Variants in ZFYVE28 observed in about 807,000 individuals in gnomAD.
The protein encoded by ZFYVE28 is lateral signaling target protein 2 homolog.
Under a neutral mutation model 82.1 loss-of-function variants are expected in ZFYVE28, and 40 were observed. The observed-to-expected ratio is 0.49, with a 90% CI of 0.38 to 0.63. The LOEUF is 0.63. Ranked by LOEUF, ZFYVE28 falls within the 30% of genes least tolerant of loss-of-function variation. The pLI is 0.00. For synonymous variants in ZFYVE28, 612 were observed against 546.1 expected (o/e 1.12, Z -1.68); for missense variants, 1,321 against 1,242.1 (o/e 1.06, Z -0.96).
intron 6 of ZFYVE28, among the ~76,000 whole-genome samples, chr4:2,322,721 A>T (rs1578084468): frequency 6.6e-6 from 1 of 152,200 alleles, no homozygotes; most frequent in Non-Finnish European, 1.5e-5. Context: ...ATCACCCCAG[A>T]AAACACCCTT....
Position 2,411,166 on chromosome 4 carries a change from A to G in ZFYVE28, c.39+7119T>C, listed in dbSNP as rs1732481269. Among the ~76,000 whole-genome samples the G allele has an allele frequency of 2.0e-5, 3 of 151,774 alleles. No individual in the cohort carries two copies. The South Asian group carries it at 6.2e-4, about 31-fold the overall frequency. ...AGCTGGAGCAAAACCCACCCGTGGC[A>G]GAGACTTAGAGAGCCAGCCATGCAG... On this transcript the variant is annotated intron_variant, in intron 1 of 12. Transcript: ENST00000290974.
At position 2,305,211 on chromosome 4, in the gene ZFYVE28, C is replaced by T; in HGVS notation, c.1129G>A (p.Gly377Ser). The T allele has an allele frequency of 6.2e-7, 1 of 1,606,860 alleles. No individual in the cohort carries two copies. ...GGAGAGGCCTCCCCGCCTGGGCTGC[C>T]CTCCGCTCCTGGCCTGTGAGCTGGG... is the stretch of plus-strand genomic sequence containing the variant. ...QSPAHRPGAE[G>S]SPGGEASPGR... is the part of the protein sequence containing the mutation. Residue 377 changes from glycine (G) to serine (S), a missense_variant, in exon 8 of 13, where the codon GGC becomes AGC. Gly to Ser is a moderately conservative substitution (Grantham distance 56). Coordinates refer to ENST00000290974, the MANE Select transcript of ZFYVE28 (RefSeq NM_020972.3).
chr4:2,273,021 G>A (rs1244992315), intron 10 of ZFYVE28, 152 bp downstream of exon 10: 9 of 667,860 alleles, frequency 1.3e-5, no homozygotes, highest in Admixed American at 5.1e-5. Context: ...CATTTGGAGT[G>A]CAGAGGTCAG....
At chr4:2,325,052 G>C (rs1296360019) in intron 6 of ZFYVE28, 1 of 153,314 alleles carries the variant, frequency 6.5e-6, no homozygotes, top group African/African-American at 2.4e-5. Flanking sequence ...AACTATACAT[G>C]TGCCAATTAC....
chr4:2,393,541 C>A (rs1230322686), intron 1 of ZFYVE28, among the ~76,000 whole-genome samples: 1 of 152,234 alleles, frequency 6.6e-6, no homozygotes, highest in Admixed American at 6.5e-5. Flanking sequence ...CTCCCACAGT[C>A]CCTGAGCCTG....
chr4:2,325,507 T>C (rs1719723866), intron 6 of ZFYVE28, among the ~76,000 whole-genome samples: 1 of 152,154 alleles, frequency 6.6e-6, no homozygotes, highest in Non-Finnish European at 1.5e-5. Context: ...CAAAAATACA[T>C]TCATGGCTTC....
chr4:2,369,102 C>T (rs3128814), intron 1 of ZFYVE28, among the ~76,000 whole-genome samples: 101,491 of 152,160 alleles, frequency 0.67, 34,196 homozygotes, highest in East Asian at 0.8. Flanking sequence ...TGGCTGACCA[C>T]CTGCACATCT....
At position 2,375,358 on chromosome 4, in the gene ZFYVE28, C is replaced by T. The variant is rs917370483; in HGVS notation, c.40-21285G>A. On this transcript the variant is annotated intron_variant, in intron 1 of 12. Transcript: ENST00000290974. Reference sequence around the variant, plus strand: ...CCCAAATCACCCAGGGTCAATCAGCCGGGCCAGCATCGAAGGAGGCCCCGG... The same window carrying T: ...CCCAAATCACCCAGGGTCAATCAGCTGGGCCAGCATCGAAGGAGGCCCCGG... 5.3e-5 allele frequency among the ~76,000 whole-genome samples: 8 copies of T among 152,202 alleles called. No homozygotes were observed. In the South Asian group the frequency reaches 1.0e-3, roughly 20 times the overall value.
intron 7 of ZFYVE28, among the ~76,000 whole-genome samples, chr4:2,310,438 G>C (rs188489388): frequency 8.6e-4 from 131 of 152,226 alleles, no homozygotes; most frequent in Middle Eastern, 3.4e-3. Context: ...TGAGAGATTG[G>C]TGTAGTTTTT....
chr4:2,320,245 G>A lies in ZFYVE28; in HGVS notation c.728C>T (p.Pro243Leu). The change falls in exon 7 of 13, where the codon CCT (proline) becomes CTT (leucine). Residue 243 changes from proline (P) to leucine (L), a missense_variant. By Grantham distance (98) the Pro-to-Leu change is moderately conservative. This residue lies in a region of ZFYVE28 where 343 missense variants were observed against 408.4 expected (regional missense o/e 0.84). Transcript: ENST00000290974. The surrounding 1 kb of genome is among the most constrained non-coding windows in gnomAD (Gnocchi z 5.1). ...TTCCACCTTGCGGTCCAAGTTCAGA[G>A]GTCCGTCCGCATAGACCACGAGGCC... ...VCGLVVYADG[P>L]LNLDRKVEDM... is the part of the protein sequence containing the mutation. The A allele has an allele frequency of 6.2e-7, 1 of 1,613,984 alleles. No homozygotes were observed. Among genetic ancestry groups the A allele is most frequent in the Non-Finnish European group, 8.5e-7 (1 of 1,179,982 alleles).
intron 1 of ZFYVE28, among the ~76,000 whole-genome samples, chr4:2,358,994 A>G (rs112981395): frequency 0.036 from 3,970 of 111,506 alleles, 220 homozygotes; most frequent in African/African-American, 0.13. Context: ...TTTTTTTTTG[A>G]GACAGAGTCT....
At position 2,339,330 on chromosome 4, in the gene ZFYVE28, G is replaced by T; in HGVS notation, c.521+123C>A. On this transcript the variant is annotated intron_variant, in intron 4 of 12. Transcript: ENST00000290974. The surrounding 1 kb of genome is among the most constrained non-coding windows in gnomAD (Gnocchi z 5.0). ...CTTAACCCCACCCACAGGCGGCCCT[G>T]AACCTGCCTGGCTCCTCCCTCTGTG... is the stretch of plus-strand genomic sequence containing the variant. The T allele has an allele frequency of 8.5e-7, 1 of 1,178,618 alleles. No individual in the cohort carries two copies. Among genetic ancestry groups the T allele is most frequent in the Non-Finnish European group, 1.2e-6 (1 of 833,406 alleles). The allele number at this position is 1,178,618 out of a possible 1,614,324, so 73.0% of individuals were successfully genotyped here.
chr4:2,302,357 C>G (rs1242752061), intron 8 of ZFYVE28, among the ~76,000 whole-genome samples: 1 of 152,206 alleles, frequency 6.6e-6, no homozygotes, highest in African/African-American at 2.4e-5. Context: ...ATGGCAAGTT[C>G]TACACACATA....
chr4:2,332,442 G>A lies in ZFYVE28; in HGVS notation c.701+3263C>T, dbSNP rs572397087. Among the ~76,000 whole-genome samples, 389 of 152,252 alleles carry A rather than the reference G, an allele frequency of 2.6e-3. 2 individuals carry two copies. The highest frequency in any genetic ancestry group is 7.7e-3 in the African/African-American group (321 of 41,550). On this transcript the variant is annotated intron_variant, in intron 6 of 12. Coordinates refer to ENST00000290974, the MANE Select transcript of ZFYVE28 (RefSeq NM_020972.3). The surrounding 1 kb of genome is among the most constrained non-coding windows in gnomAD (Gnocchi z 4.7). Reference sequence around the variant, plus strand: ...CCACCTCTGGGCCGGCTGCCCTGGGGAGCCTCTCCCTCACGCCTTCAGCTC... The same window carrying A: ...CCACCTCTGGGCCGGCTGCCCTGGGAAGCCTCTCCCTCACGCCTTCAGCTC...
rs1351109048 is a variant in ZFYVE28, at chr4:2,377,893, G to A, written c.40-23820C>T. On this transcript the variant is annotated intron_variant, in intron 1 of 12. Transcript: ENST00000290974. ...GACTTCCACAAGCCTAGATGACCCC[G>A]CCTCCGACAGACCTAGGCTACATGG... Among the ~76,000 whole-genome samples the A allele has an allele frequency of 3.9e-5, 6 of 152,158 alleles. No individual in the cohort carries two copies. The East Asian group carries it at 7.7e-4, about 19-fold the overall frequency.
intron 2 of ZFYVE28, chr4:2,343,633 C>T (rs546882086): frequency 6.6e-6 from 1 of 152,200 alleles, no homozygotes; most frequent in South Asian, 2.1e-4. Context: ...CACAGTAAGC[C>T]CCAGCTGTGA....
intron 1 of ZFYVE28, among the ~76,000 whole-genome samples, chr4:2,399,094 CAGGGCACAAGCTGGGGCAAGATGG>C (rs1560338949): frequency 2.2e-5 from 1 of 45,148 alleles, no homozygotes; most frequent in Non-Finnish European, 4.4e-5. Flanking sequence ...AGGTGAGATC[CAGGGCACAAGCTGGGGCAAGATGG>C]AGGGCACAAG....
chr4:2,389,356 T>A (rs1371353778), intron 1 of ZFYVE28, among the ~76,000 whole-genome samples: 2 of 152,158 alleles, frequency 1.3e-5, no homozygotes, highest in African/African-American at 4.8e-5. Context: ...TGCCTGAGGC[T>A]ACCCCCATGC....
intron 1 of ZFYVE28, among the ~76,000 whole-genome samples, chr4:2,377,223 G>A (rs1053765101): frequency 4.6e-5 from 7 of 152,046 alleles, no homozygotes; most frequent in Non-Finnish European, 8.8e-5. Flanking sequence ...GGGTTTTGCC[G>A]TGTTAGCCAG....
Sources: allele counts gnomAD v4.1 joint callset (sites outside exome capture counted in the v4.1 genomes callset), GRCh38; gene constraint gnomAD v4.1.1; regional missense constraint gnomAD v4.1.1; non-coding constraint Gnocchi (gnomAD v3.1); transcripts MANE v1.5; gene names NCBI Gene and HGNC (gene_info 2026-07-23, HGNC 2026-07-21).